MCUB: variants seen among roughly 807,000 people sequenced by gnomAD.
The protein encoded by MCUB is mitochondrial calcium uniporter dominant negative subunit beta, also known as calcium uniporter regulatory subunit MCUb, mitochondrial.
Under a neutral mutation model 41.4 loss-of-function variants are expected in MCUB, and 46 were observed. That is an observed-to-expected ratio of 1.11 (90% CI 0.88 to 1.42). The LOEUF (loss-of-function observed/expected upper bound fraction) is 1.42. Ranked by LOEUF, MCUB falls within the 40% of genes most tolerant of loss-of-function variation. MCUB has a pLI of 0.00. For synonymous variants in MCUB, 148 were observed against 148.2 expected (o/e 1.00, Z 0.01); for missense variants, 403 against 404.9 (o/e 1.00, Z 0.04).
intron 1 of MCUB, among the ~76,000 whole-genome samples, chr4:109,649,237 T>C (rs1292344346): frequency 6.6e-6 from 1 of 152,224 alleles, no homozygotes; most frequent in Non-Finnish European, 1.5e-5. Context: ...CCTTATTCTG[T>C]GCATTCTGTT....
intron 1 of MCUB, among the ~76,000 whole-genome samples, chr4:109,627,725 C>T (rs983785194): frequency 2.0e-5 from 3 of 152,012 alleles, no homozygotes; most frequent in African/African-American, 7.2e-5. Context: ...CCAGCCTGGC[C>T]AACATGGTGA....
chr4:109,619,954 A>C (rs6858821), intron 1 of MCUB, among the ~76,000 whole-genome samples: 75,837 of 151,412 alleles, frequency 0.5, 19,708 homozygotes, highest in South Asian at 0.64. Flanking sequence ...TACCTACGTC[A>C]CATAGCTATT....
chr4:109,688,498 A>C lies in MCUB; in HGVS notation c.*906A>C, dbSNP rs920140673. On this transcript the variant is annotated 3_prime_UTR_variant, in exon 8 of 8. Coordinates refer to ENST00000394650, the MANE Select transcript of MCUB (RefSeq NM_017918.5). ...AATGCTGATTTTTTTTAAAGTAGGAATTAAAGTCATACACAAAATGTGGTA... is the reference window on the plus strand; with the variant it reads ...AATGCTGATTTTTTTTAAAGTAGGACTTAAAGTCATACACAAAATGTGGTA... 1 of 152,244 alleles carries C rather than the reference A, an allele frequency of 6.6e-6. No homozygotes were observed. Among genetic ancestry groups the C allele is most frequent in the Non-Finnish European group, 1.5e-5 (1 of 68,038 alleles). 9.4% of individuals were successfully genotyped at this position (152,244 alleles called of 1,614,324 possible). A position where few individuals can be genotyped will look rare whatever the true frequency, so the allele number is the denominator to read the frequency against.
In MCUB at chr4:109,685,255, A is replaced by G. The variant is rs915343642; in HGVS notation, c.821A>G (p.Tyr274Cys). Reference protein sequence around the residue: ...FAYFIVTRQDYTYSAVKSRQF... With the variant: ...FAYFIVTRQDCTYSAVKSRQF... ...CTCTCTCTCTTTTTTTTTAAGGATT[A>G]TACTTACTCAGCTGTTAAGAGTAGG... is the stretch of plus-strand genomic sequence containing the variant. Residue 274 changes from tyrosine to cysteine, a missense_variant, in exon 7 of 8, where the codon TAT becomes TGT. Coordinates refer to ENST00000394650, the MANE Select transcript of MCUB (RefSeq NM_017918.5). 3.1e-6 allele frequency: 4 copies of G among 1,293,396 alleles called. No homozygotes were observed. Among genetic ancestry groups the G allele is most frequent in the South Asian group, 1.2e-5 (1 of 83,684 alleles). 80.1% of individuals were successfully genotyped at this position (1,293,396 alleles called of 1,614,324 possible).
At chr4:109,569,100 G>A (rs1277628083) in intron 1 of MCUB, among the ~76,000 whole-genome samples, 2 of 152,138 alleles carry the variant, frequency 1.3e-5, no homozygotes, top group Non-Finnish European at 2.9e-5. Context: ...AGGCTGGAGT[G>A]CAGTGACACG....
At chr4:109,667,725 A>T (rs1283745378) in intron 4 of MCUB, among the ~76,000 whole-genome samples, 1 of 149,936 alleles carries the variant, frequency 6.7e-6, no homozygotes, top group Non-Finnish European at 1.5e-5. Flanking sequence ...CTCTTTCTCT[A>T]GTTTCTTAAA....
intron 1 of MCUB, among the ~76,000 whole-genome samples, chr4:109,597,841 G>A (rs1443639683): frequency 6.6e-6 from 1 of 151,476 alleles, no homozygotes; most frequent in Admixed American, 6.6e-5. Context: ...TCTCAGACGG[G>A]GCGGTTGCCA....
chr4:109,683,769 G>A (rs913549848), intron 5 of MCUB, among the ~76,000 whole-genome samples: 1 of 152,134 alleles, frequency 6.6e-6, no homozygotes, highest in Non-Finnish European at 1.5e-5. Flanking sequence ...ATCTGTAATG[G>A]GTTTTGTGTA....
intron 1 of MCUB, among the ~76,000 whole-genome samples, chr4:109,615,885 G>A (rs1579067185): frequency 1.3e-5 from 2 of 152,194 alleles, no homozygotes; most frequent in East Asian, 3.9e-4. Flanking sequence ...CTGAGGGAGA[G>A]GGGACTCTTG....
At chr4:109,635,675 T>C (rs1457101527) in intron 1 of MCUB, among the ~76,000 whole-genome samples, 1 of 152,252 alleles carries the variant, frequency 6.6e-6, no homozygotes, top group African/African-American at 2.4e-5. Flanking sequence ...CCTCCCTCTC[T>C]CTCTACAAGG....
intron 1 of MCUB, among the ~76,000 whole-genome samples, chr4:109,576,586 C>T (rs1206007618): frequency 2.0e-5 from 3 of 146,802 alleles, no homozygotes; most frequent in African/African-American, 7.6e-5. Context: ...TAAAGCATGG[C>T]ATGATGTGGG....
chr4:109,639,340 G>A (rs549799633), intron 1 of MCUB, among the ~76,000 whole-genome samples: 5 of 149,088 alleles, frequency 3.4e-5, no homozygotes, highest in African/African-American at 1.3e-4. Context: ...GTAATATTTT[G>A]AAAGGAATCC....
chr4:109,605,849 T>TG (rs945343091), intron 1 of MCUB, among the ~76,000 whole-genome samples: 7 of 152,160 alleles, frequency 4.6e-5, no homozygotes, highest in East Asian at 1.9e-4. Context: ...ACTCCTTTTT[T>TG]GGGGGGGTTC....
At chr4:109,588,984 A>G (rs1727372765) in intron 1 of MCUB, among the ~76,000 whole-genome samples, 1 of 152,230 alleles carries the variant, frequency 6.6e-6, no homozygotes, top group Non-Finnish European at 1.5e-5. Flanking sequence ...TTCTGAAAAA[A>G]AAATAATGAG....
intron 4 of MCUB, among the ~76,000 whole-genome samples, chr4:109,664,954 AAT>A (rs956261219): frequency 8.7e-5 from 13 of 148,996 alleles, no homozygotes; most frequent in Admixed American, 4.7e-4. Context: ...AAAAAAAAAA[AAT>A]TGTATTATTT....
rs141128602 is a variant in MCUB, at chr4:109,603,252, C to T, written c.99+42816C>T. On this transcript the variant is annotated intron_variant, in intron 1 of 7. Coordinates refer to ENST00000394650, the MANE Select transcript of MCUB (RefSeq NM_017918.5). ...CTGGGATTGCAGGCGCGCGCCGCCACGCCTGACTGGTTTTTGTATTTTTTG... is the reference window on the plus strand; with the variant it reads ...CTGGGATTGCAGGCGCGCGCCGCCATGCCTGACTGGTTTTTGTATTTTTTG... Among the ~76,000 whole-genome samples the T allele has an allele frequency of 5.2e-3, 799 of 152,320 alleles. 9 individuals carry two copies. The highest frequency in any genetic ancestry group is 0.034 in the Middle Eastern group (10 of 294).
chr4:109,588,395 A>G (rs1460869479), intron 1 of MCUB, among the ~76,000 whole-genome samples: 1 of 152,186 alleles, frequency 6.6e-6, no homozygotes, highest in Admixed American at 6.5e-5. Context: ...GTGTGACTGC[A>G]GTGAGAATGA....
intron 3 of MCUB, among the ~76,000 whole-genome samples, chr4:109,661,425 A>C (rs1729229374): frequency 6.6e-6 from 1 of 152,206 alleles, no homozygotes; most frequent in Non-Finnish European, 1.5e-5. Flanking sequence ...AATTAATTAA[A>C]AGATAGAGAA....
At chr4:109,644,052 C>T (rs1728778685) in intron 1 of MCUB, among the ~76,000 whole-genome samples, 1 of 151,982 alleles carries the variant, frequency 6.6e-6, no homozygotes, top group Non-Finnish European at 1.5e-5. Flanking sequence ...ACATTATATT[C>T]AGTGGATTCT....
Sources: gnomAD v4.1 joint callset for allele counts (sites outside exome capture counted in the v4.1 genomes callset) on GRCh38, gnomAD v4.1.1 for gene constraint, MANE v1.5 for transcripts, NCBI Gene and HGNC (gene_info 2026-07-23, HGNC 2026-07-21) for gene names.